The following FSTL5 variants were observed in gnomAD, a reference collection of about 807,000 sequenced individuals.
FSTL5 encodes follistatin-related protein 5.
FSTL5 carries 62 observed loss-of-function variants against 89.1 expected under a neutral mutation model. The observed-to-expected ratio is 0.70, with a 90% confidence interval of 0.57 to 0.86. The LOEUF is 0.86. Among genes scored for constraint, FSTL5 ranks in the 40% least tolerant of loss-of-function variants. The probability of loss-of-function intolerance (pLI) is 0.00; values close to 1 mark genes in which losing one functional copy is unlikely to be tolerated. For missense variants in FSTL5, 1,057 were observed against 1,001.6 expected (o/e 1.06, Z -0.75); for synonymous variants, 383 against 346.2 (o/e 1.11, Z -1.18).
At chr4:161,698,872 C>A (rs2126727821) in intron 6 of FSTL5, among the ~76,000 whole-genome samples, 1 of 152,250 alleles carries the variant, frequency 6.6e-6, no homozygotes, top group African/African-American at 2.4e-5. Context: ...ATTGCTTGAA[C>A]CCGGGAGGCG....
At chr4:161,928,213 C>T (rs1348843598) in intron 3 of FSTL5, among the ~76,000 whole-genome samples, 1 of 151,746 alleles carries the variant, frequency 6.6e-6, no homozygotes, top group African/African-American at 2.4e-5. Flanking sequence ...TTTAAGATTC[C>T]TCCTTGTCCA....
chr4:162,055,499 T>C (rs1219384368), intron 2 of FSTL5, among the ~76,000 whole-genome samples: 1 of 147,494 alleles, frequency 6.8e-6, no homozygotes, highest in Non-Finnish European at 1.5e-5. Flanking sequence ...CCCATATATA[T>C]AAATAGATAG....
chr4:162,065,783 C>T (rs1738874717), intron 2 of FSTL5, among the ~76,000 whole-genome samples: 1 of 151,944 alleles, frequency 6.6e-6, no homozygotes, highest in African/African-American at 2.4e-5. Flanking sequence ...TAGCATTATT[C>T]ACAACAGCCA....
At chr4:161,436,152 C>G (rs1732553777) in intron 15 of FSTL5, among the ~76,000 whole-genome samples, 1 of 152,098 alleles carries the variant, frequency 6.6e-6, no homozygotes, top group Non-Finnish European at 1.5e-5. Context: ...TGTGTAGTCA[C>G]CAATTCAGGC....
chr4:161,690,639 A>G (rs1369722969), intron 6 of FSTL5, among the ~76,000 whole-genome samples: 1 of 152,102 alleles, frequency 6.6e-6, no homozygotes, highest in African/African-American at 2.4e-5. Context: ...GGATCATTAA[A>G]GGATTTTTAG....
At chr4:161,800,552 T>G (rs1729759443) in intron 4 of FSTL5, among the ~76,000 whole-genome samples, 1 of 151,684 alleles carries the variant, frequency 6.6e-6, no homozygotes, top group Admixed American at 6.6e-5. Context: ...CCTCCTTTTG[T>G]TCTCAATTGA....
intron 7 of FSTL5, among the ~76,000 whole-genome samples, chr4:161,648,368 A>G (rs1736223318): frequency 6.6e-6 from 1 of 152,140 alleles, no homozygotes; most frequent in South Asian, 2.1e-4. Context: ...ATGCTCCTGT[A>G]GAGGTTTGAG....
chr4:161,571,978 CT>C (rs1733030905), intron 8 of FSTL5, among the ~76,000 whole-genome samples: 1 of 152,098 alleles, frequency 6.6e-6, no homozygotes, highest in South Asian at 2.1e-4. Flanking sequence ...ATTTCCTCTT[CT>C]TTTTTAAATA....
At chr4:161,437,583 C>T (rs908359805) in intron 15 of FSTL5, among the ~76,000 whole-genome samples, 2 of 67,560 alleles carry the variant, frequency 3.0e-5, no homozygotes, top group African/African-American at 6.1e-5. Context: ...AAAAAAAAAA[C>T]GAGGTCAGAA....
At chr4:162,002,016 T>G in intron 3 of FSTL5, among the ~76,000 whole-genome samples, 1 of 152,278 alleles carries the variant, frequency 6.6e-6, no homozygotes, top group Middle Eastern at 3.4e-3. Flanking sequence ...ATCATTATTT[T>G]GTTTGGTTAG....
chr4:161,412,830 A>G (rs1285059419), intron 15 of FSTL5, among the ~76,000 whole-genome samples: 11 of 152,198 alleles, frequency 7.2e-5, no homozygotes, highest in African/African-American at 9.7e-5. Context: ...AGGACTTGCT[A>G]TTCAATATAC....
At chr4:162,054,059 A>T (rs2111263899) in intron 2 of FSTL5, among the ~76,000 whole-genome samples, 1 of 151,982 alleles carries the variant, frequency 6.6e-6, no homozygotes, top group African/African-American at 2.4e-5. Context: ...AATATTTAGC[A>T]AAATGAATGC....
At chr4:161,804,566 T>C (rs1467860135) in intron 4 of FSTL5, among the ~76,000 whole-genome samples, 1 of 151,916 alleles carries the variant, frequency 6.6e-6, no homozygotes, top group Non-Finnish European at 1.5e-5. Context: ...TATCATACTT[T>C]CCCTATTTAT....
chr4:161,976,827 G>A (rs1476762085), intron 3 of FSTL5, among the ~76,000 whole-genome samples: 1 of 151,972 alleles, frequency 6.6e-6, no homozygotes, highest in Non-Finnish European at 1.5e-5. Flanking sequence ...CAACCCCACA[G>A]GACCTATGGA....
intron 15 of FSTL5, among the ~76,000 whole-genome samples, chr4:161,407,860 C>T (rs1432104069): frequency 6.6e-6 from 1 of 152,218 alleles, no homozygotes; most frequent in African/African-American, 2.4e-5. Context: ...TGTGTTCCAA[C>T]AGCTTGGAAA....
At chr4:162,026,057 A>G (rs1737269837) in intron 3 of FSTL5, among the ~76,000 whole-genome samples, 1 of 151,778 alleles carries the variant, frequency 6.6e-6, no homozygotes, top group Non-Finnish European at 1.5e-5. Flanking sequence ...GCAAAAAAAA[A>G]AACGGAAATG....
intron 4 of FSTL5, among the ~76,000 whole-genome samples, chr4:161,844,377 A>T (rs1731304064): frequency 6.6e-6 from 1 of 152,150 alleles, no homozygotes; most frequent in Non-Finnish European, 1.5e-5. Flanking sequence ...CCGTGTGGCA[A>T]TTCCTCAAGG....
intron 4 of FSTL5, among the ~76,000 whole-genome samples, chr4:161,891,510 AT>A: frequency 6.6e-6 from 1 of 152,258 alleles, no homozygotes; most frequent in East Asian, 1.9e-4. Flanking sequence ...ATGTTATCTA[AT>A]TTAAATAAAA....
chr4:161,474,544 GGT>G (rs1560912668), intron 13 of FSTL5, among the ~76,000 whole-genome samples: 1 of 121,844 alleles, frequency 8.2e-6, no homozygotes, highest in Non-Finnish European at 1.7e-5. Flanking sequence ...ATTGTGTAGT[GGT>G]TTTTTTTTTT....
Sources: allele counts gnomAD v4.1 joint callset (sites outside exome capture counted in the v4.1 genomes callset), GRCh38; gene constraint gnomAD v4.1.1; transcripts MANE v1.5; gene names NCBI Gene and HGNC (gene_info 2026-07-23, HGNC 2026-07-21).